CBFA2T2: variants seen among roughly 807,000 people sequenced by gnomAD.
CBFA2T2 encodes the protein protein CBFA2T2.
Under a neutral mutation model 62.2 loss-of-function variants are expected in CBFA2T2, and 11 were observed. The observed-to-expected ratio is 0.18, with a 90% confidence interval of 0.11 to 0.29. The LOEUF (loss-of-function observed/expected upper bound fraction) is 0.29. CBFA2T2 is among the 10% of genes least tolerant of loss of function. CBFA2T2 has a pLI of 1.00. For synonymous variants in CBFA2T2, 295 were observed against 287.5 expected (o/e 1.03, Z -0.27); for missense variants, 592 against 774.1 (o/e 0.76, Z 2.79).
intron 1 of CBFA2T2, among the ~76,000 whole-genome samples, chr20:33,559,176 T>C (rs200411735): frequency 8.8e-5 from 12 of 136,660 alleles, no homozygotes; most frequent in South Asian, 2.3e-4. Context: ...TCCTTTCTTT[T>C]TTTTTTTTTT....
Position 33,624,869 on chromosome 20 carries a change from G to T in CBFA2T2, c.798G>T (p.Val266=), listed in dbSNP as rs1568861540. 1 of 1,614,084 alleles carries T rather than the reference G, an allele frequency of 6.2e-7. No individual in the cohort carries two copies. Among genetic ancestry groups the T allele is most frequent in the Non-Finnish European group, 8.5e-7 (1 of 1,180,016 alleles). The change falls in exon 6 of 11, where the codon GTG becomes GTT. Residue 266 remains valine, a synonymous_variant. Coordinates refer to ENST00000342704, the MANE Select transcript of CBFA2T2 (RefSeq NM_001032999.3). ...PAPRHSPALT[V]PLMNPGGQFH... is the part of the protein sequence containing the mutation. ...CTCGGCACAGTCCTGCTCTCACTGTGCCCCTCATGAATCCCGGGGGCCAAT... is the reference window on the plus strand; with the variant it reads ...CTCGGCACAGTCCTGCTCTCACTGTTCCCCTCATGAATCCCGGGGGCCAAT...
chr20:33,504,758 C>T lies in CBFA2T2; in HGVS notation c.34+14457C>T, dbSNP rs73622518. On this transcript the variant is annotated intron_variant, in intron 1 of 10. Coordinates refer to ENST00000342704, the MANE Select transcript of CBFA2T2 (RefSeq NM_001032999.3). ...TGTTTTCCAAAATGGCTATACCATA[C>T]CATTTTGCATTTCCACTACTAATGT... 9.2e-5 allele frequency among the ~76,000 whole-genome samples: 14 copies of T among 152,228 alleles called. No individual in the cohort carries two copies. The East Asian group carries it at 2.7e-3, about 29-fold the overall frequency.
intron 1 of CBFA2T2, among the ~76,000 whole-genome samples, chr20:33,528,453 T>C (rs1234423420): frequency 6.6e-6 from 1 of 152,204 alleles, no homozygotes; most frequent in African/African-American, 2.4e-5. Flanking sequence ...ATGACCGAAA[T>C]CCAGACCTTT....
At chr20:33,545,219 C>G (rs2146880778) in intron 1 of CBFA2T2, among the ~76,000 whole-genome samples, 1 of 152,254 alleles carries the variant, frequency 6.6e-6, no homozygotes, top group South Asian at 2.1e-4. Flanking sequence ...TTTGAATCAA[C>G]TGAAAACTAT....
intron 1 of CBFA2T2, among the ~76,000 whole-genome samples, chr20:33,550,608 G>GTTATTTATTTAT (rs55635841): frequency 0.13 from 19,399 of 150,114 alleles, 1,397 homozygotes; most frequent in East Asian, 0.27. Context: ...TACTAATGTG[G>GTTATTTATTTAT]TTATTTATTT....
intron 1 of CBFA2T2, among the ~76,000 whole-genome samples, chr20:33,545,551 A>T (rs1374720081): frequency 6.9e-6 from 1 of 144,776 alleles, no homozygotes; most frequent in Non-Finnish European, 1.5e-5. Flanking sequence ...GGGTTCAAGG[A>T]TTCTCCTGCC....
intron 1 of CBFA2T2, among the ~76,000 whole-genome samples, chr20:33,556,724 T>C (rs569741735): frequency 5.3e-5 from 8 of 152,288 alleles, no homozygotes; most frequent in African/African-American, 1.4e-4. Flanking sequence ...CATGAGCAGC[T>C]GCACCCTACT....
chr20:33,553,107 C>T (rs1247132244), intron 1 of CBFA2T2, among the ~76,000 whole-genome samples: 3 of 152,190 alleles, frequency 2.0e-5, no homozygotes, highest in Non-Finnish European at 4.4e-5. Flanking sequence ...TGTAAGCTCC[C>T]TGAGAGCAGA....
chr20:33,589,859 A>T (rs1230887386), intron 1 of CBFA2T2, among the ~76,000 whole-genome samples: 1 of 152,192 alleles, frequency 6.6e-6, no homozygotes, highest in Non-Finnish European at 1.5e-5. Flanking sequence ...GAAACAGGTG[A>T]CATTCCTTTT....
intron 1 of CBFA2T2, among the ~76,000 whole-genome samples, chr20:33,496,085 G>A (rs943359236): frequency 2.0e-5 from 3 of 152,152 alleles, no homozygotes; most frequent in Non-Finnish European, 4.4e-5. Context: ...GGGAAGGCAG[G>A]GGAGACATAA....
At chr20:33,563,180 T>A (rs531444725) in intron 1 of CBFA2T2, among the ~76,000 whole-genome samples, 2 of 152,238 alleles carry the variant, frequency 1.3e-5, no homozygotes, top group African/African-American at 2.4e-5. Context: ...TAACAGTTTT[T>A]CATTTACATT....
chr20:33,620,977 A>G (rs1286553229), intron 4 of CBFA2T2, among the ~76,000 whole-genome samples: 1 of 152,188 alleles, frequency 6.6e-6, no homozygotes, highest in Non-Finnish European at 1.5e-5. Flanking sequence ...CAACAAAGAA[A>G]AACTTGGGAG....
intron 1 of CBFA2T2, among the ~76,000 whole-genome samples, chr20:33,588,615 A>G (rs1420440159): frequency 6.6e-6 from 1 of 152,208 alleles, no homozygotes; most frequent in Non-Finnish European, 1.5e-5. Flanking sequence ...TAACCAAGTA[A>G]GGTTGATCAC....
At chr20:33,576,687 G>A (rs2013841265) in intron 1 of CBFA2T2, among the ~76,000 whole-genome samples, 1 of 152,280 alleles carries the variant, frequency 6.6e-6, no homozygotes, top group Admixed American at 6.5e-5. Context: ...GCAGCCACCA[G>A]GAGGGCGCCA....
At chr20:33,589,784 G>T (rs1051747921) in intron 1 of CBFA2T2, among the ~76,000 whole-genome samples, 1 of 152,116 alleles carries the variant, frequency 6.6e-6, no homozygotes, top group Non-Finnish European at 1.5e-5. Flanking sequence ...GAAATATAAT[G>T]TAAGCAACAA....
intron 1 of CBFA2T2, among the ~76,000 whole-genome samples, chr20:33,568,459 A>T (rs2013427282): frequency 6.6e-6 from 1 of 152,124 alleles, no homozygotes. Context: ...GCTGTGTGGC[A>T]AGCTGTTAAC....
intron 1 of CBFA2T2, among the ~76,000 whole-genome samples, chr20:33,604,108 A>G (rs2015247955): frequency 1.3e-5 from 2 of 152,204 alleles, no homozygotes; most frequent in South Asian, 4.1e-4. Context: ...GGATCATTCC[A>G]TACATTATCT....
chr20:33,511,246 T>C (rs2011506739), intron 1 of CBFA2T2, among the ~76,000 whole-genome samples: 1 of 152,206 alleles, frequency 6.6e-6, no homozygotes, highest in Non-Finnish European at 1.5e-5. Context: ...CTAGGTTTTC[T>C]TCTAGGGTTT....
At chr20:33,543,265 C>T (rs972294784) in intron 1 of CBFA2T2, among the ~76,000 whole-genome samples, 2 of 141,208 alleles carry the variant, frequency 1.4e-5, no homozygotes, top group Non-Finnish European at 3.1e-5. Flanking sequence ...CTGCCTCGGC[C>T]TCCCAAAGTG....
Sources: allele counts gnomAD v4.1 joint callset (sites outside exome capture counted in the v4.1 genomes callset), GRCh38; gene constraint gnomAD v4.1.1; transcripts MANE v1.5; gene names NCBI Gene and HGNC (gene_info 2026-07-23, HGNC 2026-07-21).